Variants in NPAT observed in about 807,000 individuals in gnomAD.
The protein encoded by NPAT is nuclear protein, coactivator of histone transcription, also known as protein NPAT.
In NPAT, 52 loss-of-function variants were observed where a neutral mutation model predicts 130.7. The ratio of observed to expected loss-of-function variants is 0.40; its 90% confidence interval spans 0.32 to 0.50. The LOEUF (loss-of-function observed/expected upper bound fraction) is 0.50, where lower values mean the gene tolerates loss of function less well. NPAT is among the 20% of genes least tolerant of loss of function. The pLI, the probability that NPAT is intolerant of heterozygous loss-of-function variation, is 0.68. For synonymous variants in NPAT, 580 were observed against 584.8 expected (o/e 0.99, Z 0.12); for missense variants, 1,687 against 1,662.6 (o/e 1.01, Z -0.26).
chr11:108,160,470 C>T (rs1380663220), intron 17 of NPAT, among the ~76,000 whole-genome samples: 12 of 152,072 alleles, frequency 7.9e-5, no homozygotes, highest in Admixed American at 7.9e-4. Context: ...CTTGGTAGTT[C>T]TACACAATAG....
At chr11:108,190,193 G>C (rs2078153244) in intron 5 of NPAT, among the ~76,000 whole-genome samples, 1 of 150,932 alleles carries the variant, frequency 6.6e-6, no homozygotes, top group Non-Finnish European at 1.5e-5. Context: ...CACGCCTGTA[G>C]TCCCAGCTAC....
At chr11:108,196,657 TTTTG>T (rs1002618051) in intron 2 of NPAT, among the ~76,000 whole-genome samples, 24 of 152,212 alleles carry the variant, frequency 1.6e-4, no homozygotes, top group South Asian at 2.1e-4. Flanking sequence ...TCTCTAAGCA[TTTTG>T]TTTGTTTGTT....
At chr11:108,213,435 T>C (rs554618907) in intron 1 of NPAT, among the ~76,000 whole-genome samples, 26 of 152,166 alleles carry the variant, frequency 1.7e-4, no homozygotes, top group Middle Eastern at 3.4e-3. Context: ...AATAAAATAC[T>C]TAGGAATAAG....
chr11:108,213,285 G>GA (rs1434804327), intron 1 of NPAT, among the ~76,000 whole-genome samples: 3 of 152,020 alleles, frequency 2.0e-5, no homozygotes, highest in Non-Finnish European at 4.4e-5. Flanking sequence ...AAAACAAAAC[G>GA]AAACAAAACA....
At chr11:108,186,197 T>C (rs2078106643) in intron 8 of NPAT, among the ~76,000 whole-genome samples, 1 of 152,026 alleles carries the variant, frequency 6.6e-6, no homozygotes, top group Non-Finnish European at 1.5e-5. Flanking sequence ...TTGTATTTTT[T>C]GTAGAGAGGG....
chr11:108,177,236 C>T (rs1450530945), intron 10 of NPAT, 146 bp from the exon 11 acceptor site: 1 of 354,374 alleles, frequency 2.8e-6, no homozygotes, highest in Non-Finnish European at 4.9e-6. Context: ...CTCACTATAA[C>T]CTGAAATTCC....
intron 2 of NPAT, among the ~76,000 whole-genome samples, chr11:108,196,166 G>T (rs541168558): frequency 3.3e-5 from 5 of 152,128 alleles, no homozygotes; most frequent in African/African-American, 1.2e-4. Flanking sequence ...ATTTGTAGAG[G>T]TTCTTTTTCT....
intron 10 of NPAT, among the ~76,000 whole-genome samples, chr11:108,179,459 C>T (rs917748367): frequency 9.9e-5 from 15 of 152,084 alleles, no homozygotes; most frequent in Non-Finnish European, 2.1e-4. Flanking sequence ...TGGCTAGTCT[C>T]GAACCCCTGA....
At chr11:108,179,537 G>A (rs2078040308) in intron 10 of NPAT, among the ~76,000 whole-genome samples, 1 of 152,186 alleles carries the variant, frequency 6.6e-6, no homozygotes. Flanking sequence ...ACCACGCCCG[G>A]ACTCATATTA....
At position 108,173,310 on chromosome 11, in the gene NPAT, T is replaced by C; in HGVS notation, c.1674A>G (p.Val558=). 1.2e-6 allele frequency: 2 copies of C among 1,612,168 alleles called. No individual in the cohort carries two copies. The highest frequency in any genetic ancestry group is 1.7e-6 in the Non-Finnish European group (2 of 1,178,716). ...AACCATGAAAATTAATTTTAAGTTT[T>C]ACTGTATCATTAGAATTTTCACAAA... is the stretch of plus-strand genomic sequence containing the variant. ...SQFCENSNDT[V]KLKINFHGSK... The change falls in exon 13 of 18, where the codon GTA becomes GTG. Residue 558 remains valine, a synonymous_variant. Transcript: ENST00000278612.
intron 15 of NPAT, among the ~76,000 whole-genome samples, chr11:108,165,472 A>ATATTT (rs1555039325): frequency 6.8e-4 from 88 of 129,754 alleles, no homozygotes; most frequent in African/African-American, 1.9e-3. Flanking sequence ...ATATATATAT[A>ATATTT]TTTTTTTTTT....
In NPAT at chr11:108,161,194, C is replaced by G. The variant is rs1272012655; in HGVS notation, c.3892G>C (p.Asp1298His). The change falls in exon 17 of 18, where the codon GAC becomes CAC. Residue 1298 changes from aspartate to histidine, a missense_variant. By Grantham distance (81) the Asp-to-His change is moderately conservative. Coordinates refer to ENST00000278612, the MANE Select transcript of NPAT (RefSeq NM_002519.3). ...ACCATTACTTTTGATGTACTACTGT[C>G]TTCACTGAAACGCCTACTAGAGGGG... ...KAPSSRRFSE[D>H]SSTSKVMVPP... The G allele has an allele frequency of 6.2e-7, 1 of 1,614,166 alleles. No homozygotes were observed. The highest frequency in any genetic ancestry group is 2.2e-5 in the East Asian group (1 of 44,888).
At chr11:108,188,902 G>A (rs2078135225) in intron 6 of NPAT, among the ~76,000 whole-genome samples, 1 of 152,108 alleles carries the variant, frequency 6.6e-6, no homozygotes. Flanking sequence ...AATTAGCGTA[G>A]AAATAGGAAG....
chr11:108,217,522 C>G (rs930971551), intron 1 of NPAT, among the ~76,000 whole-genome samples: 1 of 152,012 alleles, frequency 6.6e-6, no homozygotes, highest in Non-Finnish European at 1.5e-5. Context: ...TTTCAAGAAC[C>G]TATTGAACCT....
intron 1 of NPAT, among the ~76,000 whole-genome samples, chr11:108,219,293 C>A (rs538002291): frequency 6.6e-6 from 1 of 152,128 alleles, no homozygotes; most frequent in Non-Finnish European, 1.5e-5. Flanking sequence ...TTCCACGTTC[C>A]GCAGTCAAAC....
chr11:108,189,034 G>A, intron 6 of NPAT, 72 bp downstream of exon 6: 1 of 1,188,666 alleles, frequency 8.4e-7, no homozygotes, highest in Non-Finnish European at 1.2e-6. Flanking sequence ...TGAGTATAAA[G>A]ACATTAGTAT....
chr11:108,176,205 T>C (rs746749092), intron 12 of NPAT, 41 bp downstream of exon 12: 1 of 1,410,108 alleles, frequency 7.1e-7, no homozygotes, highest in East Asian at 2.3e-5. Context: ...AGACTAATAT[T>C]AAGATTTGGA....
chr11:108,175,476 G>A (rs931251412), intron 12 of NPAT, among the ~76,000 whole-genome samples: 2 of 152,222 alleles, frequency 1.3e-5, no homozygotes, highest in African/African-American at 2.4e-5. Flanking sequence ...TTCAGGATAA[G>A]TAGTTCCTCA....
Position 108,185,471 on chromosome 11 carries a change from T to C in NPAT, c.750A>G (p.Arg250=), listed in dbSNP as rs184954520. The C allele has an allele frequency of 3.7e-4, 596 of 1,611,212 alleles. 3 individuals are homozygous for C. In the African/African-American group the frequency reaches 6.8e-3, roughly 18 times the overall value. ...VEKQMVIENA[R]EKILSNKSLQ... is the part of the protein sequence containing the mutation. ...GAGATTTGTTGCTTAGTATTTTTTC[T>C]CGTGCATTTTCAATAACCATTTGCT... is the stretch of plus-strand genomic sequence containing the variant. The change falls in exon 9 of 18, where the codon CGA becomes CGG. Residue 250 remains arginine (R), a synonymous_variant. Transcript: ENST00000278612.
Sources: allele counts gnomAD v4.1 joint callset (sites outside exome capture counted in the v4.1 genomes callset), GRCh38; gene constraint gnomAD v4.1.1; transcripts MANE v1.5; gene names NCBI Gene and HGNC (gene_info 2026-07-23, HGNC 2026-07-21).